Variants in TRHDE observed in about 807,000 individuals in gnomAD.
TRHDE encodes thyrotropin-releasing hormone-degrading ectoenzyme.
In TRHDE, 72 loss-of-function variants were observed where a neutral mutation model predicts 125.7. That is an observed-to-expected ratio of 0.57 (90% CI 0.47 to 0.70). TRHDE has a LOEUF of 0.70. Among genes scored for constraint, TRHDE ranks in the 30% least tolerant of loss-of-function variants. TRHDE has a pLI of 0.00. For synonymous variants in TRHDE, 509 were observed against 509.1 expected, an observed-to-expected ratio of 1.00 and a Z score of 0.00; for missense variants, 1,110 against 1,327.1, an observed-to-expected ratio of 0.84 and a Z score of 2.54.
At chr12:72,145,149 T>C (rs865815336) in intron 2 of TRHDE, among the ~76,000 whole-genome samples, 7 of 152,190 alleles carry the variant, frequency 4.6e-5, no homozygotes, top group African/African-American at 9.6e-5. Context: ...CCAAGTTGAG[T>C]TTCCATCACA....
chr12:72,640,088 C>T (rs61933817), intron 15 of TRHDE, among the ~76,000 whole-genome samples: 2 of 152,326 alleles, frequency 1.3e-5, no homozygotes, highest in East Asian at 1.9e-4. Context: ...CAATGGTGGA[C>T]GCCCCTCCCC....
intron 15 of TRHDE, among the ~76,000 whole-genome samples, chr12:72,634,400 C>T (rs1378585341): frequency 6.6e-6 from 1 of 150,508 alleles, no homozygotes; most frequent in African/African-American, 2.4e-5. Context: ...ATTTGTAAGG[C>T]AGAACAAGAT....
chr12:72,200,106 A>G (rs900312669), intron 2 of TRHDE, among the ~76,000 whole-genome samples: 3 of 152,330 alleles, frequency 2.0e-5, no homozygotes, highest in Non-Finnish European at 2.9e-5. Flanking sequence ...TAGTGACTAA[A>G]GAGTCTTTTT....
intron 2 of TRHDE, among the ~76,000 whole-genome samples, chr12:72,310,210 T>G (rs780913396): frequency 3.3e-5 from 5 of 152,202 alleles, no homozygotes; most frequent in African/African-American, 9.7e-5. Context: ...CTTCACCTGT[T>G]AAAGGGAGAC....
At chr12:72,513,638 T>C (rs1047232299) in intron 6 of TRHDE, among the ~76,000 whole-genome samples, 2 of 152,108 alleles carry the variant, frequency 1.3e-5, no homozygotes, top group East Asian at 3.9e-4. Context: ...TAATTTTGAA[T>C]CAGTATTAGG....
chr12:72,536,809 T>C (rs79939682), intron 6 of TRHDE, among the ~76,000 whole-genome samples: 3,850 of 152,200 alleles, frequency 0.025, 151 homozygotes, highest in East Asian at 0.19. Context: ...CTGTCTTCTA[T>C]TTTATCCCTA....
At chr12:72,217,588 A>G (rs540604542) in intron 2 of TRHDE, among the ~76,000 whole-genome samples, 2 of 152,294 alleles carry the variant, frequency 1.3e-5, no homozygotes, top group African/African-American at 2.4e-5. Flanking sequence ...TATAAAACCC[A>G]GAAATCCCTG....
intron 2 of TRHDE, among the ~76,000 whole-genome samples, chr12:72,372,934 T>C (rs1355216053): frequency 1.3e-5 from 2 of 152,176 alleles, no homozygotes; most frequent in East Asian, 1.9e-4. Context: ...AAGAAAGTCA[T>C]TGGTAGCTTG....
chr12:72,383,785 G>A (rs367921862), intron 3 of TRHDE, among the ~76,000 whole-genome samples: 3 of 130,686 alleles, frequency 2.3e-5, no homozygotes, highest in African/African-American at 8.6e-5. Flanking sequence ...AATATGTTTT[G>A]ACCACACAGC....
At chr12:72,445,022 CT>C (rs1433056664) in intron 3 of TRHDE, among the ~76,000 whole-genome samples, 2 of 151,844 alleles carry the variant, frequency 1.3e-5, no homozygotes, top group Non-Finnish European at 1.5e-5. Context: ...TCTATGTGAC[CT>C]TTCCAACAAG....
At position 72,194,252 on chromosome 12, in the gene TRHDE, G is replaced by A. The variant is rs540542590; in HGVS notation, n.279+88500G>A. Reference sequence around the variant, plus strand: ...TTATTGATGTTGATACACAGAATGAGATAACATATATTTTTGTTTAATCAT... The same window carrying A: ...TTATTGATGTTGATACACAGAATGAAATAACATATATTTTTGTTTAATCAT... On this transcript the variant is annotated intron_variant and non_coding_transcript_variant, in intron 2 of 4. Coordinates refer to the TRHDE transcript ENST00000548156. Among the ~76,000 whole-genome samples the A allele has an allele frequency of 1.6e-4, 24 of 152,158 alleles. No homozygotes were observed. The South Asian group carries it at 4.6e-3, about 29-fold the overall frequency.
chr12:72,559,702 A>C (rs1042912825), intron 7 of TRHDE, among the ~76,000 whole-genome samples: 7 of 152,214 alleles, frequency 4.6e-5, no homozygotes, highest in African/African-American at 1.7e-4. Context: ...ACTTTTATAC[A>C]CATAAATGTA....
chr12:72,437,497 T>C (rs1874799258), intron 3 of TRHDE, among the ~76,000 whole-genome samples: 1 of 151,878 alleles, frequency 6.6e-6, no homozygotes, highest in African/African-American at 2.4e-5. Flanking sequence ...AATTAATTCA[T>C]TGGAAGTCAG....
Position 72,127,606 on chromosome 12 carries a change from C to T in TRHDE, n.279+21854C>T, listed in dbSNP as rs116977528. ...AAACAGAAAACCATGTGCATGTTCT[C>T]ACTTACAAGTTGGAGCTAAGCAATG... On this transcript the variant is annotated intron_variant and non_coding_transcript_variant, in intron 2 of 4. Transcript: ENST00000548156. 7.4e-4 allele frequency among the ~76,000 whole-genome samples: 112 copies of T among 152,206 alleles called. 1 individual carries two copies. The East Asian group carries it at 0.017, about 24-fold the overall frequency.
At position 72,169,522 on chromosome 12, in the gene TRHDE, A is replaced by C. The variant is rs972237691; in HGVS notation, n.279+63770A>C. On this transcript the variant is annotated intron_variant and non_coding_transcript_variant, in intron 2 of 4. Coordinates refer to the TRHDE transcript ENST00000548156. ...TGGATTTTTCTCTGTACCAGTGTGG[A>C]GAGAAAGAGATCTCTGTGTCTCTTC... Among the ~76,000 whole-genome samples the C allele has an allele frequency of 4.6e-5, 7 of 152,122 alleles. No homozygotes were observed. The East Asian group carries it at 1.4e-3, about 29-fold the overall frequency.
intron 2 of TRHDE, among the ~76,000 whole-genome samples, chr12:72,177,313 T>C (rs1877010192): frequency 6.6e-6 from 1 of 152,148 alleles, no homozygotes; most frequent in Non-Finnish European, 1.5e-5. Context: ...AATAAGGTAC[T>C]TTTGAGACTT....
At chr12:72,250,251 A>G (rs1331321997) in intron 2 of TRHDE, among the ~76,000 whole-genome samples, 1 of 152,180 alleles carries the variant, frequency 6.6e-6, no homozygotes, top group Non-Finnish European at 1.5e-5. Context: ...CATGGCATTA[A>G]ACTTATACTT....
chr12:72,425,714 TA>T (rs899960405), intron 3 of TRHDE, among the ~76,000 whole-genome samples: 42 of 151,950 alleles, frequency 2.8e-4, no homozygotes, highest in Non-Finnish European at 5.2e-4. Flanking sequence ...AGAAGCAACT[TA>T]AAAAAATACC....
intron 6 of TRHDE, among the ~76,000 whole-genome samples, chr12:72,525,632 TGTGAGAGAGAGA>T (rs1353971572): frequency 1.4e-5 from 2 of 146,944 alleles, no homozygotes; most frequent in Non-Finnish European, 1.5e-5. Flanking sequence ...TGTGTGTGTG[TGTGAGAGAGAGA>T]GAGAGAGAGA....
Sources: gnomAD v4.1 joint callset for allele counts (sites outside exome capture counted in the v4.1 genomes callset) on GRCh38, gnomAD v4.1.1 for gene constraint, MANE v1.5 for transcripts, NCBI Gene and HGNC (gene_info 2026-07-23, HGNC 2026-07-21) for gene names.